Variants in NCALD observed in about 807,000 individuals in gnomAD.
NCALD encodes the protein neurocalcin-delta.
A neutral mutation model predicts 18.6 loss-of-function variants in NCALD; 10 were observed. The ratio of observed to expected loss-of-function variants is 0.54; its 90% CI spans 0.33 to 0.91. The LOEUF (loss-of-function observed/expected upper bound fraction) is 0.91, where lower values mean the gene tolerates loss of function less well. Among genes scored for constraint, NCALD ranks in the 40% least tolerant of loss-of-function variants. The pLI, the probability that NCALD is intolerant of heterozygous loss-of-function variation, is 0.03. For synonymous variants in NCALD, 88 were observed against 87.4 expected (o/e 1.01, Z -0.04); for missense variants, 184 against 247.6 (o/e 0.74, Z 1.72).
At chr8:101,983,075 A>G (rs1037015903) in intron 2 of NCALD, among the ~76,000 whole-genome samples, 4 of 152,162 alleles carry the variant, frequency 2.6e-5, no homozygotes, top group African/African-American at 7.2e-5. Context: ...CCAAGCGGCT[A>G]CATTCTACCA....
chr8:101,762,212 C>G (rs995602769), intron 1 of NCALD, among the ~76,000 whole-genome samples: 1 of 152,130 alleles, frequency 6.6e-6, no homozygotes, highest in Non-Finnish European at 1.5e-5. Context: ...CCAACCCCCC[C>G]ACAGAGCCTT....
intron 1 of NCALD, among the ~76,000 whole-genome samples, chr8:102,050,900 A>T (rs116910820): frequency 0.14 from 19,863 of 146,448 alleles, 1,592 homozygotes; most frequent in Non-Finnish European, 0.19. Flanking sequence ...AATTTAATTT[A>T]ATTTTATATA....
At chr8:101,933,712 G>C (rs562368735) in intron 2 of NCALD, among the ~76,000 whole-genome samples, 2 of 152,144 alleles carry the variant, frequency 1.3e-5, no homozygotes, top group Admixed American at 6.5e-5. Flanking sequence ...AGTCCTCATC[G>C]ATCCTAAAGG....
chr8:102,008,474 T>TAAA (rs34867950), intron 2 of NCALD, among the ~76,000 whole-genome samples: 4 of 133,364 alleles, frequency 3.0e-5, no homozygotes, highest in African/African-American at 8.4e-5. Context: ...TAAAGGCAGT[T>TAAA]AAAAAAAAAA....
chr8:101,973,044 G>C (rs1820298372), intron 2 of NCALD, among the ~76,000 whole-genome samples: 1 of 152,154 alleles, frequency 6.6e-6, no homozygotes, highest in Non-Finnish European at 1.5e-5. Context: ...AGCAGGAGTG[G>C]TATGAGGAAG....
chr8:101,830,578 C>T (rs1024769315), intron 4 of NCALD, among the ~76,000 whole-genome samples: 13 of 151,506 alleles, frequency 8.6e-5, no homozygotes, highest in African/African-American at 2.7e-4. Context: ...AATGTTTTGG[C>T]CACTTATTAG....
In NCALD at chr8:101,689,077, T is replaced by G. The variant is rs1178432821; in HGVS notation, c.*232A>C. 6 of 702,784 alleles carry G rather than the reference T, an allele frequency of 8.5e-6. No homozygotes were observed. Among genetic ancestry groups the G allele is most frequent in the African/African-American group, 1.7e-5 (1 of 57,170 alleles). The allele number at this position is 702,784 out of a possible 1,614,324, so 43.5% of individuals were successfully genotyped here. On this transcript the variant is annotated 3_prime_UTR_variant, in exon 4 of 4. Coordinates refer to ENST00000220931, the MANE Select transcript of NCALD (RefSeq NM_032041.3). The surrounding 1 kb of genome is among the most constrained non-coding windows in gnomAD (Gnocchi z 4.4). The stretch of plus-strand genomic sequence containing the variant: ...GTAACGATTAAAAATCATCAAACAA[T>G]GAACACCACGAAGTCTGTCCATGCT...
chr8:101,968,416 T>C (rs772282960), intron 2 of NCALD, among the ~76,000 whole-genome samples: 7 of 152,232 alleles, frequency 4.6e-5, no homozygotes, highest in Middle Eastern at 3.4e-3. Context: ...TTGTGACAAA[T>C]AGATTTTCCA....
intron 4 of NCALD, among the ~76,000 whole-genome samples, chr8:101,829,678 A>C (rs2131235936): frequency 6.6e-6 from 1 of 152,204 alleles, no homozygotes; most frequent in East Asian, 1.9e-4. Context: ...ACACACACAT[A>C]CAAATTTAAA....
intron 4 of NCALD, among the ~76,000 whole-genome samples, chr8:101,855,145 ACCAGTAT>A (rs1415092944): frequency 1.3e-5 from 2 of 152,184 alleles, no homozygotes; most frequent in African/African-American, 2.4e-5. Context: ...GTCAGATGGG[ACCAGTAT>A]CCCTAACAGG....
At chr8:101,832,645 A>T (rs891073881) in intron 4 of NCALD, among the ~76,000 whole-genome samples, 1 of 152,194 alleles carries the variant, frequency 6.6e-6, no homozygotes, top group South Asian at 2.1e-4. Context: ...GAACTAGGTT[A>T]TATTTATTTT....
At chr8:101,998,710 T>C (rs1821329182) in intron 2 of NCALD, among the ~76,000 whole-genome samples, 2 of 152,206 alleles carry the variant, frequency 1.3e-5, no homozygotes, top group South Asian at 4.1e-4. Flanking sequence ...GATCACCCTC[T>C]GTTTATCTCT....
At chr8:101,785,828 A>T (rs550797713) in intron 1 of NCALD, 7 of 152,320 alleles carry the variant, frequency 4.6e-5, no homozygotes, top group African/African-American at 1.4e-4. Flanking sequence ...CCTCTGGCCA[A>T]CTGGGAATAG....
chr8:102,075,992 T>C (rs17415729), intron 1 of NCALD, among the ~76,000 whole-genome samples: 8,269 of 149,224 alleles, frequency 0.055, 366 homozygotes, highest in Non-Finnish European at 0.088. Flanking sequence ...AAAATAAATG[T>C]CCCCAAAGAG....
intron 2 of NCALD, among the ~76,000 whole-genome samples, chr8:101,716,925 C>T (rs1204241335): frequency 6.6e-6 from 1 of 152,146 alleles, no homozygotes; most frequent in Non-Finnish European, 1.5e-5. Flanking sequence ...CCAAGGAACT[C>T]GGGAAGCTTC....
chr8:101,829,898 G>T (rs1814097229), intron 4 of NCALD, among the ~76,000 whole-genome samples: 1 of 142,302 alleles, frequency 7.0e-6, no homozygotes, highest in Non-Finnish European at 1.5e-5. Context: ...CATTTTGTTT[G>T]TTATTATATC....
chr8:101,729,573 T>C (rs775230249), intron 1 of NCALD, among the ~76,000 whole-genome samples: 8 of 152,124 alleles, frequency 5.3e-5, no homozygotes, highest in African/African-American at 1.4e-4. Context: ...CACCTTGTTC[T>C]CATAACCCCT....
At chr8:101,831,465 G>A (rs1814182704) in intron 4 of NCALD, among the ~76,000 whole-genome samples, 1 of 152,154 alleles carries the variant, frequency 6.6e-6, no homozygotes, top group South Asian at 2.1e-4. Context: ...GTAATAGTCT[G>A]ATAAGTTAAA....
At position 102,040,156 on chromosome 8, in the gene NCALD, G is replaced by A. The variant is rs150974817; in HGVS notation, c.-209-19867C>T. ...TAAAGTCTAGCTTATAGTGAGGATTGGATACATGTTTATTGCTATTTTTAT... is the reference window on the plus strand; with the variant it reads ...TAAAGTCTAGCTTATAGTGAGGATTAGATACATGTTTATTGCTATTTTTAT... On this transcript the variant is annotated intron_variant, in intron 1 of 6. Coordinates refer to the NCALD transcript ENST00000311028. Among the ~76,000 whole-genome samples the A allele has an allele frequency of 2.6e-5, 4 of 152,212 alleles. No homozygotes were observed. In the East Asian group the frequency reaches 7.7e-4, roughly 29 times the overall value.
Sources: allele counts gnomAD v4.1 joint callset (sites outside exome capture counted in the v4.1 genomes callset), GRCh38; gene constraint gnomAD v4.1.1; non-coding constraint Gnocchi (gnomAD v3.1); transcripts MANE v1.5; gene names NCBI Gene and HGNC (gene_info 2026-07-23, HGNC 2026-07-21).